The following SDHAF4 variants were observed in gnomAD, a reference collection of about 807,000 sequenced individuals.
SDHAF4 encodes succinate dehydrogenase assembly factor 4, mitochondrial.
A neutral mutation model predicts 14.3 loss-of-function variants in SDHAF4; 14 were observed. The observed-to-expected ratio is 0.98, with a 90% CI of 0.65 to 1.53. The LOEUF (loss-of-function observed/expected upper bound fraction) is 1.53, where lower values mean the gene tolerates loss of function less well. Among genes scored for constraint, SDHAF4 ranks in the 40% most tolerant of loss-of-function variants. The pLI is 0.00. For synonymous variants in SDHAF4, 63 were observed against 47.3 expected (o/e 1.33, Z -1.36); for missense variants, 141 against 129.3 (o/e 1.09, Z -0.44).
rs370146609 is a variant in SDHAF4, at chr6:70,583,257, C to T, written c.217+3691C>T. On this transcript the variant is annotated intron_variant, in intron 2 of 2. Coordinates refer to ENST00000370474, the MANE Select transcript of SDHAF4 (RefSeq NM_145267.3). ...CCTCCTGAGTAGCTGGGATTACAGG[C>T]GTCTGGCACCACACCTGGCTAATTT... Among the ~76,000 whole-genome samples, 21 of 152,254 alleles carry T rather than the reference C, an allele frequency of 1.4e-4. No homozygotes were observed. The East Asian group carries it at 3.3e-3, about 24-fold the overall frequency.
At chr6:70,573,130 T>C (rs949665717) in intron 1 of SDHAF4, among the ~76,000 whole-genome samples, 3 of 152,104 alleles carry the variant, frequency 2.0e-5, no homozygotes, top group African/African-American at 7.2e-5. Flanking sequence ...GGCACCACCG[T>C]CATGCAGTCA....
Position 70,587,168 on chromosome 6 carries a change from TCA to T in SDHAF4, c.218-1418_218-1417del, listed in dbSNP as rs56012930. 6.0e-3 allele frequency among the ~76,000 whole-genome samples: 815 copies of T among 135,322 alleles called. 7 individuals are homozygous for T. Among genetic ancestry groups the T allele is most frequent in the East Asian group, 0.026 (119 of 4,518 alleles). 88.8% of individuals were successfully genotyped at this position (135,322 alleles called of 152,430 possible). A position where few individuals can be genotyped will look rare whatever the true frequency, so the allele number is the denominator to read the frequency against. On this transcript the variant is annotated intron_variant, in intron 2 of 2. Transcript: ENST00000370474. The stretch of plus-strand genomic sequence containing the variant: ...CCTGGGCAATAAGAGTGAAACTCCA[TCA>T]CACACACACACACACACACACACAC...
At chr6:70,571,160 ATT>A (rs1251132992) in intron 1 of SDHAF4, among the ~76,000 whole-genome samples, 3 of 152,026 alleles carry the variant, frequency 2.0e-5, no homozygotes, top group African/African-American at 7.2e-5. Flanking sequence ...AGTTTACTTA[ATT>A]GATTTTTCTT....
downstream of SDHAF4, among the ~76,000 whole-genome samples, chr6:70,594,120 T>C (rs942091206): frequency 6.6e-6 from 1 of 152,252 alleles, no homozygotes; most frequent in East Asian, 1.9e-4. Flanking sequence ...CCTACCGTTG[T>C]ATCTTGGAAG....
At chr6:70,572,291 G>T (rs771947961) in intron 1 of SDHAF4, among the ~76,000 whole-genome samples, 2 of 151,718 alleles carry the variant, frequency 1.3e-5, no homozygotes, top group African/African-American at 2.4e-5. Context: ...AACACTTTCA[G>T]TCTTTTCAGA....
chr6:70,580,597 A>G (rs1802310151), intron 2 of SDHAF4, among the ~76,000 whole-genome samples: 1 of 152,236 alleles, frequency 6.6e-6, no homozygotes, highest in Non-Finnish European at 1.5e-5. Flanking sequence ...CAAATGAATC[A>G]TTAAACAAAA....
chr6:70,584,324 T>A (rs1311836819), intron 2 of SDHAF4, among the ~76,000 whole-genome samples: 1 of 152,212 alleles, frequency 6.6e-6, no homozygotes, highest in African/African-American at 2.4e-5. Flanking sequence ...TAGTGAGTTT[T>A]AACAAATGTT....
At chr6:70,567,776 C>G (rs1802121525) in intron 1 of SDHAF4, 1 of 152,224 alleles carries the variant, frequency 6.6e-6, no homozygotes, top group Admixed American at 6.5e-5. Context: ...AGCTCTGCCT[C>G]CCAGGTTCAC....
chr6:70,592,947 C>T (rs1051745233), downstream of SDHAF4, among the ~76,000 whole-genome samples: 42 of 152,192 alleles, frequency 2.8e-4, no homozygotes, highest in Admixed American at 2.0e-4. Context: ...TTTGAAGCTG[C>T]CCCTCCCATC....
Position 70,588,667 on chromosome 6 carries a change from C to T in SDHAF4, c.270C>T (p.Gly90=). The T allele has an allele frequency of 1.2e-6, 2 of 1,604,894 alleles. No homozygotes were observed. The highest frequency in any genetic ancestry group is 1.7e-6 in the Non-Finnish European group (2 of 1,173,924). Residue 90 remains glycine (G), a synonymous_variant, in exon 3 of 3, where the codon GGC becomes GGT. Coordinates refer to ENST00000370474, the MANE Select transcript of SDHAF4 (RefSeq NM_145267.3). ...CCAAAGAAAAAGGTGGACCCAGGGG[C>T]CCAGAACCTACCCGATATGGAGATT... ...PVTKEKGGPR[G]PEPTRYGDWE... is the part of the protein sequence containing the mutation.
At chr6:70,586,057 G>A (rs549085196) in intron 2 of SDHAF4, among the ~76,000 whole-genome samples, 1 of 152,256 alleles carries the variant, frequency 6.6e-6, no homozygotes, top group South Asian at 2.1e-4. Context: ...CAAGCAATGT[G>A]CTTCCTCAGT....
At chr6:70,587,699 A>G (rs1315033319) in intron 2 of SDHAF4, among the ~76,000 whole-genome samples, 3 of 152,206 alleles carry the variant, frequency 2.0e-5, no homozygotes, top group African/African-American at 4.8e-5. Flanking sequence ...CTTCATCTAT[A>G]AAGTTGGAAC....
At chr6:70,578,360 G>T (rs903790601) in intron 1 of SDHAF4, among the ~76,000 whole-genome samples, 2 of 151,984 alleles carry the variant, frequency 1.3e-5, no homozygotes, top group Admixed American at 6.6e-5. Flanking sequence ...TTTGTTGGCC[G>T]CTTATATGTC....
chr6:70,593,052 ACTC>A (rs1261176584), downstream of SDHAF4, among the ~76,000 whole-genome samples: 1 of 152,094 alleles, frequency 6.6e-6, no homozygotes. Flanking sequence ...TTGGACCTCT[ACTC>A]CTGGGCATTC....
intron 1 of SDHAF4, among the ~76,000 whole-genome samples, chr6:70,573,660 TTTC>T (rs1265664908): frequency 1.3e-5 from 2 of 151,578 alleles, no homozygotes; most frequent in Non-Finnish European, 2.9e-5. Context: ...TTTCTTTTCT[TTTC>T]TTTTCTTTTT....
intron 1 of SDHAF4, among the ~76,000 whole-genome samples, chr6:70,578,526 G>A (rs1288972881): frequency 1.3e-5 from 2 of 152,132 alleles, no homozygotes; most frequent in Non-Finnish European, 2.9e-5. Context: ...TAGGTTGTAT[G>A]TTTACTCTGT....
chr6:70,584,960 T>C (rs1306026409), intron 2 of SDHAF4, among the ~76,000 whole-genome samples: 1 of 152,068 alleles, frequency 6.6e-6, no homozygotes, highest in African/African-American at 2.4e-5. Flanking sequence ...ATTATAAGAC[T>C]AGAGAAAAGC....
At chr6:70,596,977 G>C in the SDHAF4 span, 1 of 152,222 alleles carries the variant, frequency 6.6e-6, no homozygotes, top group Non-Finnish European at 1.5e-5. Context: ...AAGAATGGCA[G>C]TGAGATATTA....
At chr6:70,583,989 A>G (rs1175044928) in intron 2 of SDHAF4, among the ~76,000 whole-genome samples, 1 of 151,830 alleles carries the variant, frequency 6.6e-6, no homozygotes, top group Non-Finnish European at 1.5e-5. Context: ...AAATTCACCC[A>G]TGTTAAATAT....
Sources: gnomAD v4.1 joint callset for allele counts (sites outside exome capture counted in the v4.1 genomes callset) on GRCh38, gnomAD v4.1.1 for gene constraint, MANE v1.5 for transcripts, NCBI Gene and HGNC (gene_info 2026-07-23, HGNC 2026-07-21) for gene names.